The following FLNB variants were observed in gnomAD, a reference collection of about 807,000 sequenced individuals.
The protein encoded by FLNB is filamin-B.
A neutral mutation model predicts 250.6 loss-of-function variants in FLNB; 111 were observed. The observed-to-expected ratio is 0.44, with a 90% confidence interval of 0.38 to 0.52. FLNB has a LOEUF of 0.52. Among genes scored for constraint, FLNB ranks in the 20% least tolerant of loss-of-function variants. FLNB has a pLI of 0.00. For synonymous variants in FLNB, 1,302 were observed against 1,372.1 expected, an observed-to-expected ratio of 0.95 and a Z score of 1.13; for missense variants, 2,869 against 3,447.8, an observed-to-expected ratio of 0.83 and a Z score of 4.20.
intron 24 of FLNB, among the ~76,000 whole-genome samples, chr3:58,127,167 A>G (rs2097299371): frequency 6.6e-6 from 1 of 152,120 alleles, no homozygotes; most frequent in African/African-American, 2.4e-5. Flanking sequence ...TACAAGAAAT[A>G]CAAAACTTAG....
At chr3:58,125,547 G>A (rs2097296322) in intron 22 of FLNB, 34 bp from the exon 23 acceptor site, 2 of 1,611,228 alleles carry the variant, frequency 1.2e-6, no homozygotes, top group African/African-American at 1.3e-5. Flanking sequence ...GGATTTGTAT[G>A]CAAATATGCG....
Position 58,121,386 on chromosome 3 carries a change from G to A in FLNB, c.3009G>A (p.Thr1003=), listed in dbSNP as rs761411697. ...CTGTGACAGGCCGGGAGAACAGCAC[G>A]GCCAAGTTCATCCCTCGGGAGGAGG... ...VTPVTGRENS[T]AKFIPREEGL... Residue 1003 remains threonine, a synonymous_variant, in exon 20 of 46, where the codon ACG becomes ACA. Coordinates refer to ENST00000295956, the MANE Select transcript of FLNB (RefSeq NM_001457.4). 7.4e-6 allele frequency: 12 copies of A among 1,614,008 alleles called. No homozygotes were observed. The highest frequency in any genetic ancestry group is 3.3e-5 in the Admixed American group (2 of 59,996).
At chr3:58,102,361 C>G in intron 9 of FLNB, 21 bp downstream of exon 9, 6 of 1,613,930 alleles carry the variant, frequency 3.7e-6, no homozygotes, top group Non-Finnish European at 5.1e-6. Flanking sequence ...CTTTGTTTCT[C>G]TATCTCAGGT....
At chr3:58,170,015 G>C (rs890658016) in intron 45 of FLNB, among the ~76,000 whole-genome samples, 1 of 152,196 alleles carries the variant, frequency 6.6e-6, no homozygotes, top group Non-Finnish European at 1.5e-5. Flanking sequence ...TGGGTTTCAA[G>C]GGTCGGTTGC....
intron 18 of FLNB, 120 bp from the exon 19 acceptor site, chr3:58,118,752 C>T (rs1018595820): frequency 1.3e-4 from 106 of 795,826 alleles, no homozygotes; most frequent in South Asian, 5.6e-4. Context: ...ATACTTTCTA[C>T]ATTGATTGGA....
chr3:58,131,883 C>A, intron 25 of FLNB: 1 of 1,285,870 alleles, frequency 7.8e-7, no homozygotes, highest in Non-Finnish European at 1.1e-6. Context: ...TGGATATCTG[C>A]CTCTATTATG....
chr3:58,075,579 G>A (rs538880941), intron 1 of FLNB, among the ~76,000 whole-genome samples: 87 of 152,278 alleles, frequency 5.7e-4, no homozygotes, highest in African/African-American at 2.0e-3. Flanking sequence ...GGAGCTGATT[G>A]TGTGCAGCGG....
intron 19 of FLNB, 149 bp from the exon 20 acceptor site, chr3:58,121,092 C>A: frequency 1.0e-6 from 1 of 956,538 alleles, no homozygotes; most frequent in Non-Finnish European, 1.7e-6. Flanking sequence ...ACTTACTCAG[C>A]TTTGCTGCTT....
At chr3:58,062,013 C>T (rs1204138632) in intron 1 of FLNB, among the ~76,000 whole-genome samples, 1 of 152,014 alleles carries the variant, frequency 6.6e-6, no homozygotes, top group African/African-American at 2.4e-5. Context: ...ATCGCTTGAA[C>T]CTGGGAGGCG....
intron 39 of FLNB, among the ~76,000 whole-genome samples, chr3:58,154,436 T>A (rs879546847): frequency 4.0e-5 from 6 of 151,756 alleles, no homozygotes; most frequent in Non-Finnish European, 5.9e-5. Flanking sequence ...TCTCAGCTAC[T>A]CGGGAGGCTG....
chr3:58,153,336 TA>T (rs1559733800), intron 38 of FLNB, 38 bp from the exon 39 acceptor site: 1 of 1,613,708 alleles, frequency 6.2e-7, no homozygotes, highest in South Asian at 1.1e-5. Flanking sequence ...GCCCTTGCCC[TA>T]ACCCTCTTCT....
intron 1 of FLNB, among the ~76,000 whole-genome samples, chr3:58,019,723 G>A (rs962586996): frequency 4.6e-5 from 7 of 152,066 alleles, no homozygotes; most frequent in African/African-American, 1.7e-4. Flanking sequence ...ACTCATTTGC[G>A]CTTGATTCAT....
chr3:58,121,639 G>T (rs1029573150), intron 20 of FLNB, 136 bp downstream of exon 20: 4 of 1,128,818 alleles, frequency 3.5e-6, no homozygotes, highest in African/African-American at 1.5e-5. Context: ...ACTGTGAAAG[G>T]TCCCCTGGGT....
At chr3:58,113,247 C>T (rs1185605883) in intron 18 of FLNB, among the ~76,000 whole-genome samples, 6 of 152,186 alleles carry the variant, frequency 3.9e-5, no homozygotes, top group Admixed American at 2.6e-4. Flanking sequence ...GGAGAGCAGA[C>T]ATCCTGGCAG....
At chr3:58,044,639 T>A (rs529104123) in intron 1 of FLNB, among the ~76,000 whole-genome samples, 20 of 151,834 alleles carry the variant, frequency 1.3e-4, no homozygotes, top group Middle Eastern at 3.4e-3. Context: ...AGTAAAAAAT[T>A]CAAATAAATA....
At chr3:58,147,515 C>T (rs1246608611) in intron 34 of FLNB, among the ~76,000 whole-genome samples, 2 of 152,186 alleles carry the variant, frequency 1.3e-5, no homozygotes, top group African/African-American at 4.8e-5. Flanking sequence ...GGAAGATGCA[C>T]AAGGCAGATC....
intron 31 of FLNB, among the ~76,000 whole-genome samples, chr3:58,143,134 C>T (rs2097329797): frequency 6.6e-6 from 1 of 152,154 alleles, no homozygotes; most frequent in Admixed American, 6.5e-5. Flanking sequence ...CCTTTCTCCC[C>T]TCAGCCTCTT....
At position 58,105,102 on chromosome 3, in the gene FLNB, C is replaced by A. The variant is rs2097257544; in HGVS notation, c.1633C>A (p.Pro545Thr). The stretch of plus-strand genomic sequence containing the variant: ...TAGCCCCTTTGAAGTTCAAGTTGGC[C>A]CTGAAGCGGGTATGCAGAAAGTCCG... Reference protein sequence around the residue: ...PKSPFEVQVGPEAGMQKVRAW... With the variant: ...PKSPFEVQVGTEAGMQKVRAW... Residue 545 changes from proline (P) to threonine (T), a missense_variant, in exon 11 of 46, where the codon CCT (proline) becomes ACT (threonine). Pro to Thr is a conservative substitution (Grantham distance 38). Coordinates refer to ENST00000295956, the MANE Select transcript of FLNB (RefSeq NM_001457.4). 1 of 1,614,060 alleles carries A rather than the reference C, an allele frequency of 6.2e-7. No individual in the cohort carries two copies. The highest frequency in any genetic ancestry group is 8.5e-7 in the Non-Finnish European group (1 of 1,180,050).
intron 26 of FLNB, among the ~76,000 whole-genome samples, chr3:58,133,567 G>A (rs1418528999): frequency 6.6e-6 from 1 of 150,802 alleles, no homozygotes; most frequent in Admixed American, 6.6e-5. Flanking sequence ...TTCTGATTGG[G>A]ACAGGACAAA....
Sources: gnomAD v4.1 joint callset for allele counts (sites outside exome capture counted in the v4.1 genomes callset) on GRCh38, gnomAD v4.1.1 for gene constraint, MANE v1.5 for transcripts, NCBI Gene and HGNC (gene_info 2026-07-23, HGNC 2026-07-21) for gene names.